The following ETV6 variants were observed in gnomAD, a reference collection of about 807,000 sequenced individuals.
ETV6 encodes the protein ETS variant transcription factor 6, also known as transcription factor ETV6.
Under a neutral mutation model 51.1 loss-of-function variants are expected in ETV6, and 16 were observed. That is an observed-to-expected ratio of 0.31 (90% CI 0.21 to 0.48). The LOEUF is 0.48. Among genes scored for constraint, ETV6 ranks in the 20% least tolerant of loss-of-function variants. The probability of loss-of-function intolerance (pLI) is 0.99; values close to 1 mark genes in which losing one functional copy is unlikely to be tolerated. For synonymous variants in ETV6, 240 were observed against 224.1 expected (o/e 1.07, Z -0.64); for missense variants, 458 against 594.8 (o/e 0.77, Z 2.39).
chr12:11,796,651 G>T (rs11831325), intron 2 of ETV6, among the ~76,000 whole-genome samples: 1 of 152,184 alleles, frequency 6.6e-6, no homozygotes, highest in East Asian at 1.9e-4. Context: ...CTGTCCATGC[G>T]TGGGGCCGAT....
rs1177191614 is a variant in ETV6 at position 11,893,091 on chromosome 12, G to A, written c.*2045G>A. 1 of 232,850 alleles carries A rather than the reference G, an allele frequency of 4.3e-6. No individual in the cohort carries two copies. Among genetic ancestry groups the A allele is most frequent in the Non-Finnish European group, 8.5e-6 (1 of 117,802 alleles). 14.4% of individuals were successfully genotyped at this position (232,850 alleles called of 1,614,324 possible). A position where few individuals can be genotyped will look rare whatever the true frequency, so the allele number is the denominator to read the frequency against. On this transcript the variant is annotated 3_prime_UTR_variant, in exon 8 of 8. Transcript: ENST00000396373. ...TCTGCTGGATCTCAGCACGCTGCAG[G>A]TGTCTTTTGAGAGCATTCAGTAGGA...
intron 5 of ETV6, among the ~76,000 whole-genome samples, chr12:11,878,676 CAT>C (rs993008083): frequency 9.2e-5 from 14 of 151,974 alleles, no homozygotes; most frequent in Admixed American, 8.5e-4. Context: ...CCACCGTGCA[CAT>C]ATGTTTTCTG....
At chr12:11,722,127 A>G (rs57589633) in intron 1 of ETV6, among the ~76,000 whole-genome samples, 16,111 of 152,266 alleles carry the variant, frequency 0.11, 2,126 homozygotes, top group African/African-American at 0.31. Context: ...CTGGGAGAGC[A>G]TGGAAAATTG....
chr12:11,801,520 A>G lies in ETV6; in HGVS notation c.164-37620A>G, dbSNP rs183250564. 1.9e-4 allele frequency among the ~76,000 whole-genome samples: 29 copies of G among 152,352 alleles called. No individual in the cohort carries two copies. In the South Asian group the frequency reaches 3.5e-3, roughly 18 times the overall value. On this transcript the variant is annotated intron_variant, in intron 2 of 7. Coordinates refer to ENST00000396373, the MANE Select transcript of ETV6 (RefSeq NM_001987.5). The stretch of plus-strand genomic sequence containing the variant: ...AGACTGAGAAATAGAATGGCCCTCC[A>G]AGGGCATACCTGACTATTCTGCGGA...
intron 2 of ETV6, among the ~76,000 whole-genome samples, chr12:11,828,561 T>TA (rs528118773): frequency 1.8e-4 from 28 of 151,932 alleles, no homozygotes; most frequent in Middle Eastern, 3.2e-3. Flanking sequence ...TACACGAGAC[T>TA]AAAAAAAATA....
At chr12:11,720,147 G>A (rs1004097743) in intron 1 of ETV6, among the ~76,000 whole-genome samples, 2 of 152,124 alleles carry the variant, frequency 1.3e-5, no homozygotes, top group Admixed American at 6.5e-5. Context: ...GATATCTGAA[G>A]ATAGGAAAAG....
At chr12:11,790,155 G>T (rs114877445) in intron 2 of ETV6, among the ~76,000 whole-genome samples, 1 of 147,312 alleles carries the variant, frequency 6.8e-6, no homozygotes, top group East Asian at 2.0e-4. Flanking sequence ...TTTTTTGTTC[G>T]ACTTGTTCTT....
At chr12:11,837,388 A>G (rs1191371634) in intron 2 of ETV6, among the ~76,000 whole-genome samples, 1 of 152,008 alleles carries the variant, frequency 6.6e-6, no homozygotes, top group African/African-American at 2.4e-5. Context: ...TTGGTGCACT[A>G]CAAAAAAGGA....
chr12:11,731,556 TCTG>T (rs1470436797), intron 1 of ETV6, among the ~76,000 whole-genome samples: 5 of 152,174 alleles, frequency 3.3e-5, no homozygotes, highest in Non-Finnish European at 7.4e-5. Context: ...TTTTTTTTCT[TCTG>T]TCTTATTGGC....
At chr12:11,881,999 C>A (rs561593303) in intron 5 of ETV6, among the ~76,000 whole-genome samples, 47 of 152,258 alleles carry the variant, frequency 3.1e-4, no homozygotes, top group Non-Finnish European at 8.8e-5. Flanking sequence ...ACGGGGTGGG[C>A]AATAGAAGTG....
At chr12:11,779,441 T>A (rs1945380851) in intron 2 of ETV6, among the ~76,000 whole-genome samples, 1 of 152,304 alleles carries the variant, frequency 6.6e-6, no homozygotes, top group African/African-American at 2.4e-5. Context: ...GACTTGGTAA[T>A]CATTCACGTC....
intron 1 of ETV6, among the ~76,000 whole-genome samples, chr12:11,710,060 C>T (rs562632557): frequency 7.8e-4 from 119 of 152,264 alleles, no homozygotes; most frequent in Non-Finnish European, 1.3e-3. Context: ...ATTCTCACAT[C>T]GGGAGGTCAG....
chr12:11,766,249 A>G (rs1269176196), intron 2 of ETV6, among the ~76,000 whole-genome samples: 2 of 152,182 alleles, frequency 1.3e-5, no homozygotes, highest in Non-Finnish European at 2.9e-5. Context: ...TCTGAGGGAA[A>G]TTTCCTTTTT....
chr12:11,736,418 A>AG (rs1460850040), intron 1 of ETV6, among the ~76,000 whole-genome samples: 3 of 152,238 alleles, frequency 2.0e-5, no homozygotes, highest in African/African-American at 7.2e-5. Flanking sequence ...TTTAAGAGAT[A>AG]GGTGACATTT....
At chr12:11,865,146 G>T (rs893526992) in intron 4 of ETV6, among the ~76,000 whole-genome samples, 2 of 151,760 alleles carry the variant, frequency 1.3e-5, no homozygotes, top group Admixed American at 1.3e-4. Flanking sequence ...AGCTACTCAG[G>T]AGGCTGAGGC....
At chr12:11,726,512 T>C (rs1208275227) in intron 1 of ETV6, among the ~76,000 whole-genome samples, 1 of 152,168 alleles carries the variant, frequency 6.6e-6, no homozygotes, top group Non-Finnish European at 1.5e-5. Flanking sequence ...GCACCGTAGC[T>C]CACACCTGTA....
intron 1 of ETV6, among the ~76,000 whole-genome samples, chr12:11,749,348 C>CACAT (rs1565510573): frequency 3.1e-5 from 4 of 130,140 alleles, no homozygotes; most frequent in Non-Finnish European, 6.7e-5. Flanking sequence ...CACACACACA[C>CACAT]ACCCCTACTC....
At chr12:11,781,121 T>A (rs1413981847) in intron 2 of ETV6, among the ~76,000 whole-genome samples, 2 of 152,266 alleles carry the variant, frequency 1.3e-5, no homozygotes, top group African/African-American at 4.8e-5. Context: ...TGGTTTAATA[T>A]GTACAATGTC....
intron 2 of ETV6, among the ~76,000 whole-genome samples, chr12:11,792,893 T>C (rs942997398): frequency 1.3e-5 from 2 of 152,184 alleles, no homozygotes; most frequent in Non-Finnish European, 2.9e-5. Context: ...AGCAACTTAC[T>C]TTATTAATAG....
Sources: gnomAD v4.1 joint callset for allele counts (sites outside exome capture counted in the v4.1 genomes callset) on GRCh38, gnomAD v4.1.1 for gene constraint, MANE v1.5 for transcripts, NCBI Gene and HGNC (gene_info 2026-07-23, HGNC 2026-07-21) for gene names.